The following PCDHGA5 variants were observed in gnomAD, a reference collection of about 807,000 sequenced individuals.
PCDHGA5 encodes the protein protocadherin gamma subfamily A, 5, also known as protocadherin gamma-A5.
Under a neutral mutation model 56.7 loss-of-function variants are expected in PCDHGA5, and 36 were observed. The ratio of observed to expected loss-of-function variants is 0.64; its 90% CI spans 0.49 to 0.84. PCDHGA5 has a LOEUF of 0.84. Ranked by LOEUF, PCDHGA5 falls within the 40% of genes least tolerant of loss-of-function variation. The pLI is 0.00. For synonymous variants in PCDHGA5, 563 were observed against 520.2 expected (o/e 1.08, Z -1.12); for missense variants, 1,305 against 1,201.5 (o/e 1.09, Z -1.27).
intron 1 of PCDHGA5, among the ~76,000 whole-genome samples, chr5:141,373,446 C>T (rs1282910334): frequency 6.6e-6 from 1 of 152,132 alleles, no homozygotes. Flanking sequence ...TCCCTTGATC[C>T]CAGGAGGTAG....
Position 141,432,110 on chromosome 5 carries a change from G to A in PCDHGA5, c.2422-62697G>A. On this transcript the variant is annotated intron_variant, in intron 1 of 3. Coordinates refer to ENST00000518069, the MANE Select transcript of PCDHGA5 (RefSeq NM_018918.3). This position sits in a 1 kb window ranked among gnomAD's most constrained non-coding sequence, Gnocchi z 6.0. ...GGCAGACACCAACGACAACCCGCCG[G>A]TCTTCCCTCAGGCCTCCTATTCCGC... 6.2e-7 allele frequency: 1 copy of A among 1,614,108 alleles called. No individual in the cohort carries two copies. Among genetic ancestry groups the A allele is most frequent in the Non-Finnish European group, 8.5e-7 (1 of 1,180,036 alleles).
rs776293224 is a variant in PCDHGA5, at chr5:141,477,889, A to G, written c.2422-16918A>G. Reference sequence around the variant, plus strand: ...GTACCTCAGCTGGCCACCTAGTGTCACGGGTGGTAGGCTGGGACGCGGATG... The same window carrying G: ...GTACCTCAGCTGGCCACCTAGTGTCGCGGGTGGTAGGCTGGGACGCGGATG... On this transcript the variant is annotated intron_variant, in intron 1 of 3. Coordinates refer to ENST00000518069, the MANE Select transcript of PCDHGA5 (RefSeq NM_018918.3). This position sits in a 1 kb window ranked among gnomAD's most constrained non-coding sequence, Gnocchi z 4.9. The G allele has an allele frequency of 1.8e-5, 29 of 1,614,034 alleles. No individual in the cohort carries two copies. Among genetic ancestry groups the G allele is most frequent in the Non-Finnish European group, 2.5e-5 (29 of 1,180,026 alleles).
intron 1 of PCDHGA5, among the ~76,000 whole-genome samples, chr5:141,447,975 A>G (rs1352829510): frequency 6.6e-6 from 1 of 151,928 alleles, no homozygotes; most frequent in Non-Finnish European, 1.5e-5. Flanking sequence ...AATCCCAGCT[A>G]CTCGGGAGGC....
chr5:141,503,221 C>A (rs528636727), intron 2 of PCDHGA5, among the ~76,000 whole-genome samples: 2 of 151,956 alleles, frequency 1.3e-5, no homozygotes, highest in Non-Finnish European at 2.9e-5. Context: ...CCATGAGCAC[C>A]GTAAAGATGG....
chr5:141,382,838 A>G, intron 1 of PCDHGA5: 2 of 1,445,878 alleles, frequency 1.4e-6, no homozygotes, highest in Non-Finnish European at 1.9e-6. Context: ...GTCCACCCGG[A>G]TACACCCGCA....
Position 141,491,686 on chromosome 5 carries a change from C to A in PCDHGA5, c.2422-3121C>A. The A allele has an allele frequency of 6.2e-7, 1 of 1,612,970 alleles. No homozygotes were observed. The highest frequency in any genetic ancestry group is 8.5e-7 in the Non-Finnish European group (1 of 1,179,558). Reference sequence around the variant, plus strand: ...CATCCGGTCCCGCTCTAATACGCTGCGGGAGCGGAGCCAGGTGAGGGGCTC... The same window carrying A: ...CATCCGGTCCCGCTCTAATACGCTGAGGGAGCGGAGCCAGGTGAGGGGCTC... On this transcript the variant is annotated intron_variant, in intron 1 of 3. Coordinates refer to ENST00000518069, the MANE Select transcript of PCDHGA5 (RefSeq NM_018918.3). The surrounding 1 kb of genome is among the most constrained non-coding windows in gnomAD (Gnocchi z 6.9).
At chr5:141,407,958 A>C (rs1018466165) in intron 1 of PCDHGA5, 1 of 660,632 alleles carries the variant, frequency 1.5e-6, no homozygotes, top group African/African-American at 1.8e-5. Context: ...GCCAGTGCAG[A>C]GCAAGCGCTG....
At chr5:141,383,476 G>T (rs983488072) in intron 1 of PCDHGA5, 1 of 1,613,748 alleles carries the variant, frequency 6.2e-7, no homozygotes, top group South Asian at 1.1e-5. Context: ...TAAGTACCCG[G>T]AACTGGTGCT....
Position 141,489,565 on chromosome 5 carries a change from G to C in PCDHGA5, c.2422-5242G>C. The C allele has an allele frequency of 6.2e-7, 1 of 1,614,118 alleles. No homozygotes were observed. ...CAGCTGCCTGCTGCCAGTGCAGGTGGTGACTGAACACCCCCTGGAGCTAAT... is the reference window on the plus strand; with the variant it reads ...CAGCTGCCTGCTGCCAGTGCAGGTGCTGACTGAACACCCCCTGGAGCTAAT... On this transcript the variant is annotated intron_variant, in intron 1 of 3. Coordinates refer to ENST00000518069, the MANE Select transcript of PCDHGA5 (RefSeq NM_018918.3). This position sits in a 1 kb window ranked among gnomAD's most constrained non-coding sequence, Gnocchi z 4.5.
intron 1 of PCDHGA5, chr5:141,393,906 G>C: frequency 1.2e-6 from 2 of 1,613,998 alleles, no homozygotes; most frequent in Non-Finnish European, 1.7e-6. Context: ...TCCCGGGACA[G>C]TAATTGCCTT....
intron 1 of PCDHGA5, among the ~76,000 whole-genome samples, chr5:141,435,478 C>A (rs1279447863): frequency 6.6e-6 from 1 of 152,146 alleles, no homozygotes; most frequent in Non-Finnish European, 1.5e-5. Flanking sequence ...TTAGACATTT[C>A]TTTTGCCCAT....
intron 1 of PCDHGA5, chr5:141,389,554 C>T: frequency 1.2e-6 from 2 of 1,613,184 alleles, no homozygotes; most frequent in South Asian, 1.1e-5. Context: ...AACGACAATG[C>T]GCCACGGGTG....
Position 141,489,492 on chromosome 5 carries a change from G to T in PCDHGA5, c.2422-5315G>T, listed in dbSNP as rs1258376136. On this transcript the variant is annotated intron_variant, in intron 1 of 3. Coordinates refer to ENST00000518069, the MANE Select transcript of PCDHGA5 (RefSeq NM_018918.3). The surrounding 1 kb of genome is among the most constrained non-coding windows in gnomAD (Gnocchi z 4.5). ...CCCTGAGCTTGATGAGTGGTGCCCT[G>T]GCAGTGAATCAAAAGATTGACCGAG... 1 of 1,614,042 alleles carries T rather than the reference G, an allele frequency of 6.2e-7. No individual in the cohort carries two copies. The highest frequency in any genetic ancestry group is 1.1e-5 in the South Asian group (1 of 91,078).
Position 141,364,307 on chromosome 5 carries a change from A to G in PCDHGA5, c.-24A>G. ...AACAGCAGGCTGAACCAGAACTAAG[A>G]GAAAATTGGGCAGAGAGAAGGCAAT... On this transcript the variant is annotated 5_prime_UTR_variant, in exon 1 of 4. Coordinates refer to ENST00000518069, the MANE Select transcript of PCDHGA5 (RefSeq NM_018918.3). 2 of 1,522,550 alleles carry G rather than the reference A, an allele frequency of 1.3e-6. No individual in the cohort carries two copies. The highest frequency in any genetic ancestry group is 1.8e-6 in the Non-Finnish European group (2 of 1,138,098). The allele number at this position is 1,522,550 out of a possible 1,614,324, so 94.3% of individuals were successfully genotyped here.
rs375882135 is a variant in PCDHGA5 at position 141,389,276 on chromosome 5, G to C, written c.2421+22525G>C. The C allele has an allele frequency of 7.9e-5, 128 of 1,613,976 alleles. No individual in the cohort carries two copies. In the Middle Eastern group the frequency reaches 1.8e-3, roughly 23 times the overall value. On this transcript the variant is annotated intron_variant, in intron 1 of 3. Coordinates refer to ENST00000518069, the MANE Select transcript of PCDHGA5 (RefSeq NM_018918.3). ...TAGTCCACGTGGCCGAGAACAACCC[G>C]CCTGGAGCCTCTATTTCACAAGTCA...
At chr5:141,387,499 T>A (rs57697403) in intron 1 of PCDHGA5, among the ~76,000 whole-genome samples, 12,383 of 152,290 alleles carry the variant, frequency 0.081, 653 homozygotes, top group African/African-American at 0.15. Context: ...TAAGAGTACA[T>A]TTTTAGACGT....
At chr5:141,425,546 A>G (rs2096882460) in intron 1 of PCDHGA5, among the ~76,000 whole-genome samples, 1 of 152,202 alleles carries the variant, frequency 6.6e-6, no homozygotes, top group African/African-American at 2.4e-5. Flanking sequence ...CTTTTCAGAA[A>G]CCTCTTTTAT....
rs762881601 is a variant in PCDHGA5, at chr5:141,392,998, A to ACGGAGTC, written c.2421+26250_2421+26256dup. 1.9e-6 allele frequency: 3 copies of ACGGAGTC among 1,613,876 alleles called. No individual in the cohort carries two copies. In the East Asian group the frequency reaches 6.7e-5, roughly 36 times the overall value. On this transcript the variant is annotated intron_variant, in intron 1 of 3. Transcript: ENST00000518069. ...CTGGACCCCCGGAAGCTGGCGAAGCACGGAGTCCGTATCGTCTCCAGAGGT... is the reference window on the plus strand; with the variant it reads ...CTGGACCCCCGGAAGCTGGCGAAGCACGGAGTCCGGAGTCCGTATCGTCTCCAGAGGT...
rs1187168738 is a variant in PCDHGA5 at position 141,364,869 on chromosome 5, T to G, written c.539T>G (p.Leu180Arg). 6.2e-7 allele frequency: 1 copy of G among 1,613,998 alleles called. No individual in the cohort carries two copies. The highest frequency in any genetic ancestry group is 2.2e-5 in the East Asian group (1 of 44,880). ...CTCAGCTCCAATCTGCACTTCTCTCTGGATGTGGTAAGCGGAACTGATGGA... is the reference window on the plus strand; with the variant it reads ...CTCAGCTCCAATCTGCACTTCTCTCGGGATGTGGTAAGCGGAACTGATGGA... ...YQLSSNLHFS[L>R]DVVSGTDGQK... The change falls in exon 1 of 4, where the codon CTG (leucine) becomes CGG (arginine). Residue 180 changes from leucine to arginine, a missense_variant. Physicochemically the swap from Leu to Arg is moderately radical, Grantham distance 102. Coordinates refer to ENST00000518069, the MANE Select transcript of PCDHGA5 (RefSeq NM_018918.3).
Sources: allele counts gnomAD v4.1 joint callset (sites outside exome capture counted in the v4.1 genomes callset), GRCh38; gene constraint gnomAD v4.1.1; non-coding constraint Gnocchi (gnomAD v3.1); transcripts MANE v1.5; gene names NCBI Gene and HGNC (gene_info 2026-07-23, HGNC 2026-07-21).